Variants in LRRTM4 observed in about 807,000 individuals in gnomAD.
LRRTM4 encodes the protein leucine rich repeat transmembrane neuronal 4, also known as leucine-rich repeat transmembrane neuronal protein 4.
LRRTM4 carries 25 observed loss-of-function variants against 47.6 expected under a neutral mutation model. The ratio of observed to expected loss-of-function variants is 0.53; its 90% CI spans 0.38 to 0.73. LRRTM4 has a LOEUF of 0.73. LRRTM4 is among the 30% of genes least tolerant of loss of function. The pLI, the probability that LRRTM4 is intolerant of heterozygous loss-of-function variation, is 0.00. For missense variants in LRRTM4, 638 were observed against 713.4 expected (o/e 0.89, Z 1.20); for synonymous variants, 311 against 269.5 (o/e 1.15, Z -1.51).
chr2:77,377,936 C>A (rs1331152864), intron 3 of LRRTM4, among the ~76,000 whole-genome samples: 1 of 151,834 alleles, frequency 6.6e-6, no homozygotes, highest in African/African-American at 2.4e-5. Flanking sequence ...CTTTTAAAAA[C>A]CAATTTAATT....
At chr2:77,289,006 A>T (rs149518997) in intron 3 of LRRTM4, among the ~76,000 whole-genome samples, 111 of 152,206 alleles carry the variant, frequency 7.3e-4, no homozygotes, top group African/African-American at 2.4e-3. Context: ...ATTTTGAAAA[A>T]GAATAGTTGT....
At chr2:77,101,710 G>A (rs984268802) in intron 3 of LRRTM4, among the ~76,000 whole-genome samples, 2 of 152,140 alleles carry the variant, frequency 1.3e-5, no homozygotes, top group East Asian at 1.9e-4. Flanking sequence ...TTCAGATAAC[G>A]TTATCAGCTA....
At chr2:76,807,270 T>C (rs1676015127) in intron 3 of LRRTM4, among the ~76,000 whole-genome samples, 1 of 151,520 alleles carries the variant, frequency 6.6e-6, no homozygotes, top group East Asian at 1.9e-4. Flanking sequence ...GTTAAGTGAA[T>C]TGTGGTATGC....
intron 3 of LRRTM4, chr2:77,517,430 G>A: frequency 5.1e-6 from 5 of 984,870 alleles, no homozygotes; most frequent in Non-Finnish European, 6.0e-6. Flanking sequence ...GGGGATGACA[G>A]CAATACTGAC....
intron 3 of LRRTM4, among the ~76,000 whole-genome samples, chr2:76,753,579 AT>A (rs991637254): frequency 1.3e-5 from 2 of 152,068 alleles, no homozygotes; most frequent in African/African-American, 4.8e-5. Context: ...AAAGTGACAC[AT>A]TTTTTTCAAT....
intron 3 of LRRTM4, among the ~76,000 whole-genome samples, chr2:77,030,745 A>G (rs1335759127): frequency 6.6e-6 from 1 of 152,244 alleles, no homozygotes; most frequent in Non-Finnish European, 1.5e-5. Context: ...CCTTCCAGTA[A>G]TATCCTGAAA....
intron 3 of LRRTM4, among the ~76,000 whole-genome samples, chr2:77,218,558 T>G (rs1226626694): frequency 6.6e-6 from 1 of 151,784 alleles, no homozygotes; most frequent in Admixed American, 6.6e-5. Flanking sequence ...CCTGGGATAT[T>G]GGAAATGGTT....
chr2:76,787,841 C>G (rs1027247077), intron 3 of LRRTM4, among the ~76,000 whole-genome samples: 5 of 152,098 alleles, frequency 3.3e-5, no homozygotes, highest in African/African-American at 1.2e-4. Flanking sequence ...GTTCATCTCA[C>G]CAGTCCTTTA....
chr2:77,190,247 T>A (rs2103876661), intron 3 of LRRTM4, among the ~76,000 whole-genome samples: 2 of 151,490 alleles, frequency 1.3e-5, no homozygotes, highest in East Asian at 3.9e-4. Flanking sequence ...GGCCCATAAC[T>A]AATATTTTTG....
At chr2:77,090,532 A>G (rs1670580308) in intron 3 of LRRTM4, among the ~76,000 whole-genome samples, 1 of 152,086 alleles carries the variant, frequency 6.6e-6, no homozygotes, top group South Asian at 2.1e-4. Context: ...AAAAGTTACA[A>G]TTCCTTCCCT....
At chr2:76,935,797 T>C (rs1674926182) in intron 3 of LRRTM4, among the ~76,000 whole-genome samples, 1 of 152,162 alleles carries the variant, frequency 6.6e-6, no homozygotes, top group African/African-American at 2.4e-5. Context: ...AAACAGATAA[T>C]TTGACTTCCT....
chr2:77,027,573 G>T (rs1402408469), intron 3 of LRRTM4, among the ~76,000 whole-genome samples: 2 of 152,046 alleles, frequency 1.3e-5, no homozygotes, highest in African/African-American at 4.8e-5. Context: ...TTAACAAATG[G>T]CATGACTACA....
intron 3 of LRRTM4, among the ~76,000 whole-genome samples, chr2:77,382,359 A>G (rs1267520422): frequency 6.6e-6 from 1 of 152,120 alleles, no homozygotes; most frequent in Non-Finnish European, 1.5e-5. Context: ...TGCGCTTGTC[A>G]ACATCAGATA....
Position 77,419,951 on chromosome 2 carries a change from G to A in LRRTM4, c.1551+98367C>T, listed in dbSNP as rs145229638. On this transcript the variant is annotated intron_variant, in intron 3 of 3. Transcript: ENST00000409884. ...TACTGTAGCCCCATTCCCCACCTGG[G>A]GACAGTTTCTGAAGGTGGGAATCTG... Among the ~76,000 whole-genome samples the A allele has an allele frequency of 3.6e-3, 541 of 152,258 alleles. 3 individuals are homozygous for A. The highest frequency in any genetic ancestry group is 6.3e-3 in the Non-Finnish European group (426 of 68,004).
intron 3 of LRRTM4, among the ~76,000 whole-genome samples, chr2:77,385,515 G>A (rs943029246): frequency 6.6e-6 from 1 of 151,968 alleles, no homozygotes; most frequent in African/African-American, 2.4e-5. Flanking sequence ...AGTGTGCTAC[G>A]GCACTGATGA....
intron 3 of LRRTM4, among the ~76,000 whole-genome samples, chr2:77,319,695 G>A (rs7605627): frequency 0.062 from 9,439 of 152,198 alleles, 461 homozygotes; most frequent in East Asian, 0.14. Flanking sequence ...AGTGTATGTC[G>A]TACAAATGTA....
Position 76,961,088 on chromosome 2 carries a change from TTTCA to T in LRRTM4, c.1552-212176_1552-212173del, listed in dbSNP as rs144982645. Among the ~76,000 whole-genome samples the T allele has an allele frequency of 8.3e-3, 1,266 of 151,682 alleles. 12 individuals carry two copies. Among genetic ancestry groups the T allele is most frequent in the African/African-American group, 0.029 (1,189 of 41,508 alleles). ...GTAAATATATTAACTCATTATCTAC[TTTCA>T]TTTTTATTTATTACAACGACAGGTT... On this transcript the variant is annotated intron_variant, in intron 3 of 3. Coordinates refer to ENST00000409884, the MANE Select transcript of LRRTM4 (RefSeq NM_001134745.3).
intron 3 of LRRTM4, among the ~76,000 whole-genome samples, chr2:77,460,429 T>C (rs528981855): frequency 3.9e-5 from 6 of 152,266 alleles, no homozygotes; most frequent in Middle Eastern, 3.4e-3. Flanking sequence ...GAAGTCATTA[T>C]AGCTACTGGT....
intron 3 of LRRTM4, among the ~76,000 whole-genome samples, chr2:77,209,251 C>T (rs1674225594): frequency 6.6e-6 from 1 of 152,146 alleles, no homozygotes; most frequent in Non-Finnish European, 1.5e-5. Context: ...TGAAAACATA[C>T]TAATGCTAGG....
Sources: gnomAD v4.1 joint callset for allele counts (sites outside exome capture counted in the v4.1 genomes callset) on GRCh38, gnomAD v4.1.1 for gene constraint, MANE v1.5 for transcripts, NCBI Gene and HGNC (gene_info 2026-07-23, HGNC 2026-07-21) for gene names.